TLN1: variants seen among roughly 807,000 people sequenced by gnomAD.
The protein encoded by TLN1 is talin 1.
TLN1 carries 56 observed loss-of-function variants against 292.3 expected under a neutral mutation model. That is an observed-to-expected ratio of 0.19 (90% CI 0.15 to 0.24). TLN1 has a LOEUF of 0.24. Ranked by LOEUF, TLN1 falls within the 10% of genes least tolerant of loss-of-function variation. The probability of loss-of-function intolerance (pLI) is 1.00; values close to 1 mark genes in which losing one functional copy is unlikely to be tolerated. For missense variants in TLN1, 2,433 were observed against 3,248.2 expected, an observed-to-expected ratio of 0.75 and a Z score of 6.10; for synonymous variants, 1,119 against 1,253.7, an observed-to-expected ratio of 0.89 and a Z score of 2.27.
chr9:35,711,230 G>C (rs747025924), intron 30 of TLN1, 25 bp downstream of exon 30: 3 of 1,613,796 alleles, frequency 1.9e-6, no homozygotes, highest in Non-Finnish European at 2.5e-6. Context: ...ACAGTCCAGG[G>C]CTGGGCTTCT....
chr9:35,719,030 C>A lies in TLN1; in HGVS notation c.1896+44G>T. 1 of 1,600,476 alleles carries A rather than the reference C, an allele frequency of 6.2e-7. No individual in the cohort carries two copies. Among genetic ancestry groups the A allele is most frequent in the Non-Finnish European group, 8.5e-7 (1 of 1,171,372 alleles). On this transcript the variant is annotated intron_variant, in intron 16 of 56. Coordinates refer to ENST00000314888, the MANE Select transcript of TLN1 (RefSeq NM_006289.4). The surrounding 1 kb of genome is among the most constrained non-coding windows in gnomAD (Gnocchi z 4.6). Reference sequence around the variant, plus strand: ...GCTTGGACTGCCCCTTCTCCTTGGGCTTGAACCCTGTCTCCACCCTAACCC... The same window carrying A: ...GCTTGGACTGCCCCTTCTCCTTGGGATTGAACCCTGTCTCCACCCTAACCC...
At chr9:35,721,576 G>T in intron 10 of TLN1, 72 bp downstream of exon 10, 1 of 1,534,444 alleles carries the variant, frequency 6.5e-7, no homozygotes, top group East Asian at 2.3e-5. Context: ...CCCAAGAGAG[G>T]GAAGAGACCT....
Position 35,717,695 on chromosome 9 carries a change from G to A in TLN1, c.2087C>T (p.Ser696Leu), listed in dbSNP as rs762426705. 1.5e-5 allele frequency: 25 copies of A among 1,613,950 alleles called. No homozygotes were observed. Among genetic ancestry groups the A allele is most frequent in the Admixed American group, 5.0e-5 (3 of 59,994 alleles). The change falls in exon 18 of 57, where the codon TCG (serine) becomes TTG (leucine). Residue 696 changes from serine (S) to leucine (L), a missense_variant. Coordinates refer to ENST00000314888, the MANE Select transcript of TLN1 (RefSeq NM_006289.4). This position sits in a 1 kb window ranked among gnomAD's most constrained non-coding sequence, Gnocchi z 4.7. ...AGCAATAACTTGGGTCTGAAGTCCC[G>A]AGTCCTCTGTCCGCTGGGCCACACT... The part of the protein sequence containing the change: ...AKSVAQRTED[S>L]GLQTQVIAAA...
chr9:35,716,315 G>T, intron 20 of TLN1, 75 bp downstream of exon 20: 1 of 1,546,226 alleles, frequency 6.5e-7, no homozygotes, highest in Admixed American at 1.9e-5. Flanking sequence ...TCCCTCATCA[G>T]ATGAGGGTGA....
chr9:35,715,496 G>A (rs1210139702), intron 20 of TLN1, among the ~76,000 whole-genome samples: 1 of 152,238 alleles, frequency 6.6e-6, no homozygotes, highest in African/African-American at 2.4e-5. Context: ...GGAGGACTCA[G>A]TTTAGAGCAG....
chr9:35,731,483 C>T (rs1190857665), intron 1 of TLN1, among the ~76,000 whole-genome samples: 2 of 152,146 alleles, frequency 1.3e-5, no homozygotes, highest in African/African-American at 4.8e-5. Flanking sequence ...TGATTCCTAA[C>T]TCACGCTTTC....
intron 1 of TLN1, among the ~76,000 whole-genome samples, chr9:35,729,791 G>A (rs1422114882): frequency 6.6e-6 from 1 of 152,106 alleles, no homozygotes; most frequent in Non-Finnish European, 1.5e-5. Context: ...GCGACGAATT[G>A]GGAAGAGGGG....
chr9:35,700,520 G>A, intron 48 of TLN1, 144 bp from the exon 49 acceptor site: 2 of 892,690 alleles, frequency 2.2e-6, no homozygotes, highest in Non-Finnish European at 3.2e-6. Flanking sequence ...TCTGACTGAA[G>A]CAACTGGGGA....
Position 35,712,022 on chromosome 9 carries a change from G to T in TLN1, c.3664C>A (p.Arg1222=). 1.9e-6 allele frequency: 3 copies of T among 1,613,852 alleles called. No individual in the cohort carries two copies. The highest frequency in any genetic ancestry group is 2.5e-6 in the Non-Finnish European group (3 of 1,179,994). ...ALRAVGDASK[R]LLSDSLPPST... ...CCTCCTACCGAGTCACTCAGGAGTCGCTTGCTGGCATCTCCAACTGCCCTC... is the reference window on the plus strand; with the variant it reads ...CCTCCTACCGAGTCACTCAGGAGTCTCTTGCTGGCATCTCCAACTGCCCTC... The change falls in exon 28 of 57, where the codon CGA becomes AGA. Residue 1222 remains arginine (R), a synonymous_variant. Coordinates refer to ENST00000314888, the MANE Select transcript of TLN1 (RefSeq NM_006289.4).
chr9:35,725,122 G>C (rs1202512604), intron 3 of TLN1, 102 bp downstream of exon 3: 5 of 1,525,956 alleles, frequency 3.3e-6, no homozygotes, highest in Non-Finnish European at 4.5e-6. Context: ...GAAAGCATGG[G>C]GAGGGCTAAG....
chr9:35,703,951 G>A, intron 46 of TLN1, 40 bp downstream of exon 46: 1 of 1,613,044 alleles, frequency 6.2e-7, no homozygotes, highest in East Asian at 2.2e-5. Flanking sequence ...AGCGGGACAG[G>A]AAGTGATTCC....
rs753950809 is a variant in TLN1 at position 35,717,750 on chromosome 9, C to T, written c.2032G>A (p.Ala678Thr). ...LMQLAKAVAS[A>T]AAALVLKAKS... ...GCCTTGAGGACCAGGGCAGCTGCAGCACTTGCCACAGCTTTGGCGAGCTGC... is the reference window on the plus strand; with the variant it reads ...GCCTTGAGGACCAGGGCAGCTGCAGTACTTGCCACAGCTTTGGCGAGCTGC... The change falls in exon 18 of 57, where the codon GCT becomes ACT. Residue 678 changes from alanine to threonine, a missense_variant. Ala to Thr is a moderately conservative substitution (Grantham distance 58, BLOSUM62 0). This residue lies in a region of TLN1 where 617 missense variants were observed against 770.6 expected (regional missense o/e 0.80). Transcript: ENST00000314888. The surrounding 1 kb of genome is among the most constrained non-coding windows in gnomAD (Gnocchi z 4.7). 1.9e-6 allele frequency: 3 copies of T among 1,609,434 alleles called. No homozygotes were observed. Among genetic ancestry groups the T allele is most frequent in the Admixed American group, 1.7e-5 (1 of 59,928 alleles).
chr9:35,718,037 G>A (rs990650266), intron 17 of TLN1, among the ~76,000 whole-genome samples: 10 of 152,168 alleles, frequency 6.6e-5, no homozygotes, highest in African/African-American at 1.7e-4. Flanking sequence ...GGATACACTC[G>A]ATGATGACGG....
In TLN1 at chr9:35,706,452, T is replaced by C; in HGVS notation, c.5188A>G (p.Lys1730Glu). The C allele has an allele frequency of 6.2e-7, 1 of 1,614,034 alleles. No individual in the cohort carries two copies. The highest frequency in any genetic ancestry group is 8.5e-7 in the Non-Finnish European group (1 of 1,179,968). ...ARAEASQLGH[K>E]VSQMAQYFEP... The stretch of plus-strand genomic sequence containing the variant: ...TTCCCATGAGTCTCCATAGGTACCT[T>C]GTGTCCCAGCTGGGAGGCTTCAGCC... The change falls in exon 39 of 57, where the codon AAG (lysine) becomes GAG (glutamate). Residue 1730 changes from lysine (K) to glutamate (E), a missense_variant and splice_region_variant. Coordinates refer to ENST00000314888, the MANE Select transcript of TLN1 (RefSeq NM_006289.4). This position sits in a 1 kb window ranked among gnomAD's most constrained non-coding sequence, Gnocchi z 4.2.
chr9:35,705,344 C>T (rs1375426724), intron 43 of TLN1, among the ~76,000 whole-genome samples: 1 of 152,180 alleles, frequency 6.6e-6, no homozygotes, highest in African/African-American at 2.4e-5. Context: ...GGGAAGGCTC[C>T]AGATTCTGAG....
At chr9:35,725,167 G>C in intron 3 of TLN1, 57 bp downstream of exon 3, 1 of 1,589,680 alleles carries the variant, frequency 6.3e-7, no homozygotes, top group Admixed American at 1.7e-5. Context: ...ACAGGAGGTG[G>C]AACAGGGAGA....
In TLN1 at chr9:35,707,123, C is replaced by T; in HGVS notation, c.4904G>A (p.Gly1635Asp). 6.2e-7 allele frequency: 1 copy of T among 1,612,008 alleles called. No individual in the cohort carries two copies. The highest frequency in any genetic ancestry group is 8.5e-7 in the Non-Finnish European group (1 of 1,179,544). ...GGAGTCTGAGACAGTACGGGAGTGG[C>T]CGGCCAGCACCGACCAGCTCGGGGG... ...RDPPSWSVLA[G>D]HSRTVSDSIK... Residue 1635 changes from glycine to aspartate, a missense_variant, in exon 37 of 57, where the codon GGC (glycine) becomes GAC (aspartate). Physicochemically the swap from Gly to Asp is moderately conservative, Grantham distance 94 (BLOSUM62 -1). Transcript: ENST00000314888. The surrounding 1 kb of genome is among the most constrained non-coding windows in gnomAD (Gnocchi z 5.6).
In TLN1 at chr9:35,725,605, G is replaced by T. The variant is rs769540150; in HGVS notation, c.90C>A (p.Arg30=). Residue 30 remains arginine, a synonymous_variant, in exon 2 of 57, where the codon CGC becomes CGA. Transcript: ENST00000314888. Reference sequence around the variant, plus strand: ...CCTCTGGGATCCGCTCACGAATGATGCGGCAGGCGTCGTACACCATGGTAG... The same window carrying T: ...CCTCTGGGATCCGCTCACGAATGATTCGGCAGGCGTCGTACACCATGGTAG... ...EPSTMVYDAC[R]IIRERIPEAP... is the part of the protein sequence containing the mutation. 7 of 1,613,854 alleles carry T rather than the reference G, an allele frequency of 4.3e-6. No individual in the cohort carries two copies. The South Asian group carries it at 6.6e-5, about 15-fold the overall frequency.
At chr9:35,712,191 G>A (rs1368512137) in intron 27 of TLN1, 67 bp from the exon 28 acceptor site, 43 of 1,539,594 alleles carry the variant, frequency 2.8e-5, no homozygotes, top group Admixed American at 6.1e-5. Flanking sequence ...CCATTCACGC[G>A]ACATGGGAGA....
Sources: gnomAD v4.1 joint callset for allele counts (sites outside exome capture counted in the v4.1 genomes callset) on GRCh38, gnomAD v4.1.1 for gene constraint, gnomAD v4.1.1 regional missense constraint, Gnocchi (gnomAD v3.1) non-coding constraint, MANE v1.5 for transcripts, NCBI Gene and HGNC (gene_info 2026-07-23, HGNC 2026-07-21) for gene names.